MGMT: variants seen among roughly 807,000 people sequenced by gnomAD.
MGMT encodes methylated-DNA--protein-cysteine methyltransferase.
MGMT carries 14 observed loss-of-function variants against 15.9 expected under a neutral mutation model. The observed-to-expected ratio is 0.88, with a 90% CI of 0.58 to 1.37. The LOEUF is 1.37. MGMT is among the 40% of genes most tolerant of loss of function. The pLI is 0.00. For synonymous variants in MGMT, 130 were observed against 118.2 expected (o/e 1.10, Z -0.65); for missense variants, 282 against 268.1 (o/e 1.05, Z -0.36).
chr10:129,612,473 G>A (rs1377631779), intron 2 of MGMT, among the ~76,000 whole-genome samples: 1 of 152,346 alleles, frequency 6.6e-6, no homozygotes, highest in East Asian at 1.9e-4. Flanking sequence ...GGTTTACAAA[G>A]TCTTGAATTA....
intron 2 of MGMT, among the ~76,000 whole-genome samples, chr10:129,605,350 G>T (rs1408788622): frequency 6.6e-6 from 1 of 151,938 alleles, no homozygotes; most frequent in Admixed American, 6.6e-5. Context: ...TTATTTATTT[G>T]GCCAGTTCCA....
intron 3 of MGMT, among the ~76,000 whole-genome samples, chr10:129,730,436 T>C (rs1848482981): frequency 6.6e-6 from 1 of 152,140 alleles, no homozygotes. Flanking sequence ...GAGGCGAGCG[T>C]GCGTATTCAT....
chr10:129,575,759 A>G (rs1293305879), intron 2 of MGMT, among the ~76,000 whole-genome samples: 8 of 152,162 alleles, frequency 5.3e-5, no homozygotes, highest in African/African-American at 1.9e-4. Context: ...GATTTTTTGA[A>G]AAGATCAACA....
At chr10:129,658,188 T>C (rs1847554093) in intron 2 of MGMT, among the ~76,000 whole-genome samples, 1 of 152,166 alleles carries the variant, frequency 6.6e-6, no homozygotes, top group Admixed American at 6.5e-5. Context: ...GGCTTCTGGC[T>C]CCCGCTGCAG....
intron 1 of MGMT, among the ~76,000 whole-genome samples, chr10:129,480,497 A>G (rs1845346072): frequency 6.6e-6 from 1 of 152,196 alleles, no homozygotes; most frequent in African/African-American, 2.4e-5. Context: ...AATATTTGTT[A>G]ATATCACCAC....
intron 2 of MGMT, among the ~76,000 whole-genome samples, chr10:129,541,556 G>A (rs145298614): frequency 3.4e-4 from 52 of 152,124 alleles, no homozygotes; most frequent in African/African-American, 1.0e-3. Context: ...AAAATGGACC[G>A]TATCACCCTG....
chr10:129,692,297 G>A (rs745487962), intron 2 of MGMT, among the ~76,000 whole-genome samples: 4 of 152,178 alleles, frequency 2.6e-5, no homozygotes, highest in East Asian at 1.9e-4. Context: ...GAGCCTGAGC[G>A]GCGGCTTCCA....
At chr10:129,541,384 C>T (rs750312198) in intron 2 of MGMT, among the ~76,000 whole-genome samples, 3 of 152,252 alleles carry the variant, frequency 2.0e-5, no homozygotes, top group South Asian at 2.1e-4. Flanking sequence ...GCAGCTCCCC[C>T]GCGCCATCTT....
intron 2 of MGMT, among the ~76,000 whole-genome samples, chr10:129,682,515 CTT>C (rs993075451): frequency 6.6e-6 from 1 of 151,842 alleles, no homozygotes; most frequent in Non-Finnish European, 1.5e-5. Flanking sequence ...TGACAGGTGT[CTT>C]TGTGATGAGA....
At chr10:129,475,678 C>G (rs371570227) in intron 1 of MGMT, among the ~76,000 whole-genome samples, 2 of 152,254 alleles carry the variant, frequency 1.3e-5, no homozygotes, top group South Asian at 2.1e-4. Flanking sequence ...CTCTGCAGGC[C>G]GTCAGCCTCC....
At chr10:129,511,592 C>T (rs1354123139) in intron 1 of MGMT, among the ~76,000 whole-genome samples, 1 of 152,218 alleles carries the variant, frequency 6.6e-6, no homozygotes, top group African/African-American at 2.4e-5. Flanking sequence ...AAGCCAGCAC[C>T]AAGGTTCTGG....
chr10:129,674,016 G>A (rs1198642708), intron 2 of MGMT, among the ~76,000 whole-genome samples: 1 of 152,130 alleles, frequency 6.6e-6, no homozygotes, highest in Non-Finnish European at 1.5e-5. Flanking sequence ...TATAGCAATT[G>A]TCTTGGCTGT....
chr10:129,634,139 T>G (rs1039422438), intron 2 of MGMT, among the ~76,000 whole-genome samples: 2 of 152,214 alleles, frequency 1.3e-5, no homozygotes, highest in African/African-American at 4.8e-5. Context: ...TTGACAGGGT[T>G]TTTTTCCTCC....
chr10:129,719,422 C>G (rs1169426313), intron 3 of MGMT, among the ~76,000 whole-genome samples: 3 of 152,228 alleles, frequency 2.0e-5, no homozygotes, highest in Admixed American at 2.0e-4. Context: ...GCTGCCAAAA[C>G]AAAGTGATGC....
intron 2 of MGMT, among the ~76,000 whole-genome samples, chr10:129,632,892 TATTACTTA>T (rs949610807): frequency 6.6e-6 from 1 of 152,232 alleles, no homozygotes; most frequent in African/African-American, 2.4e-5. Flanking sequence ...AAGGGTAAAG[TATTACTTA>T]AATATATCAT....
intron 2 of MGMT, among the ~76,000 whole-genome samples, chr10:129,704,416 C>T (rs916396928): frequency 2.0e-5 from 3 of 152,084 alleles, no homozygotes; most frequent in Non-Finnish European, 2.9e-5. Context: ...CTGTGGAGAC[C>T]TCAGCCTGTG....
intron 3 of MGMT, among the ~76,000 whole-genome samples, chr10:129,751,254 T>A (rs1848747677): frequency 6.6e-6 from 1 of 151,998 alleles, no homozygotes; most frequent in Admixed American, 6.6e-5. Context: ...TTGGATAAGT[T>A]TGGTAGTTTG....
Position 129,755,023 on chromosome 10 carries a change from C to T in MGMT, c.275-4179C>T, listed in dbSNP as rs148613525. On this transcript the variant is annotated intron_variant, in intron 3 of 4. Transcript: ENST00000651593. Reference sequence around the variant, plus strand: ...GGCTGAGGACAACAGAGGGATAACCCAGGAAGCCCATTCATCTTTTCCATG... The same window carrying T: ...GGCTGAGGACAACAGAGGGATAACCTAGGAAGCCCATTCATCTTTTCCATG... Among the ~76,000 whole-genome samples, 951 of 152,340 alleles carry T rather than the reference C, an allele frequency of 6.2e-3. 10 individuals carry two copies. The highest frequency in any genetic ancestry group is 0.021 in the African/African-American group (892 of 41,582).
rs1438684082 is a variant in MGMT at position 129,679,070 on chromosome 10, C to T, written c.126-28825C>T. On this transcript the variant is annotated intron_variant, in intron 2 of 4. Transcript: ENST00000651593. The stretch of plus-strand genomic sequence containing the variant: ...CCTGGATGACAGACTGAGACTCCAT[C>T]TCAAAAAAAAAAAAAAGAATCGTGA... 3.0e-5 allele frequency among the ~76,000 whole-genome samples: 4 copies of T among 134,480 alleles called. No homozygotes were observed. The South Asian group carries it at 7.4e-4, about 25-fold the overall frequency. 88.2% of individuals were successfully genotyped at this position (134,480 alleles called of 152,430 possible).
Sources: allele counts gnomAD v4.1 joint callset (sites outside exome capture counted in the v4.1 genomes callset), GRCh38; gene constraint gnomAD v4.1.1; transcripts MANE v1.5; gene names NCBI Gene and HGNC (gene_info 2026-07-23, HGNC 2026-07-21).